KLKB1: variants seen among roughly 807,000 people sequenced by gnomAD.
The protein encoded by KLKB1 is plasma kallikrein.
KLKB1 carries 58 observed loss-of-function variants against 73.6 expected under a neutral mutation model. The observed-to-expected ratio is 0.79, with a 90% CI of 0.64 to 0.98. The LOEUF is 0.98. KLKB1 is among the 50% of genes least tolerant of loss of function. KLKB1 has a pLI of 0.00. For synonymous variants in KLKB1, 280 were observed against 258.1 expected, an observed-to-expected ratio of 1.08 and a Z score of -0.81; for missense variants, 737 against 763.8, an observed-to-expected ratio of 0.96 and a Z score of 0.41.
At chr4:186,216,836 C>T (rs1579983741) in intron 2 of KLKB1, among the ~76,000 whole-genome samples, 2 of 152,290 alleles carry the variant, frequency 1.3e-5, no homozygotes, top group South Asian at 2.1e-4. Flanking sequence ...TTATGCTGAC[C>T]GCAGAGGAAA....
At chr4:186,250,892 T>A in intron 7 of KLKB1, 1 of 373,094 alleles carries the variant, frequency 2.7e-6, no homozygotes, top group Non-Finnish European at 4.9e-6. Flanking sequence ...GGGTGTCTAG[T>A]TATGTAATAT....
At chr4:186,237,361 C>T (rs1321985840) in intron 5 of KLKB1, among the ~76,000 whole-genome samples, 2 of 152,040 alleles carry the variant, frequency 1.3e-5, no homozygotes, top group East Asian at 1.9e-4. Context: ...CCTCCCAAAG[C>T]GCTGGGATTA....
intron 6 of KLKB1, among the ~76,000 whole-genome samples, chr4:186,248,205 G>A (rs149893292): frequency 0.18 from 27,475 of 151,516 alleles, 2,789 homozygotes; most frequent in East Asian, 0.3. Flanking sequence ...CCAAGATTGC[G>A]CCACTGCACT....
At chr4:186,247,843 A>G (rs1314757428) in intron 6 of KLKB1, among the ~76,000 whole-genome samples, 1 of 152,230 alleles carries the variant, frequency 6.6e-6, no homozygotes, top group Non-Finnish European at 1.5e-5. Context: ...TTTAGATAAC[A>G]TAAAATTAAC....
intron 1 of KLKB1, 127 bp from the exon 2 acceptor site, chr4:186,228,068 A>G (rs1737230189): frequency 4.5e-6 from 3 of 662,792 alleles, no homozygotes; most frequent in Non-Finnish European, 8.1e-6. Flanking sequence ...CTTGTTTTCT[A>G]TACCAGTAAT....
chr4:186,246,541 G>A lies in KLKB1; in HGVS notation c.599-3702G>A, dbSNP rs183894357. Among the ~76,000 whole-genome samples, 1,464 of 152,312 alleles carry A rather than the reference G, an allele frequency of 9.6e-3. 16 individuals carry two copies. Among genetic ancestry groups the A allele is most frequent in the African/African-American group, 0.034 (1,395 of 41,560 alleles). ...TGGAACCATTGTCGAGTTTGTATTG[G>A]GGTTAAGCAGCATTGCAGAAGAAAA... is the stretch of plus-strand genomic sequence containing the variant. On this transcript the variant is annotated intron_variant, in intron 6 of 14. Coordinates refer to ENST00000264690, the MANE Select transcript of KLKB1 (RefSeq NM_000892.5).
At chr4:186,232,382 C>A in intron 3 of KLKB1, 93 bp downstream of exon 3, 2 of 1,206,454 alleles carry the variant, frequency 1.7e-6, no homozygotes, top group Non-Finnish European at 2.5e-6. Context: ...AGTTCTTCCT[C>A]ACACGGGGTT....
intron 6 of KLKB1, among the ~76,000 whole-genome samples, chr4:186,247,363 A>G (rs1190768674): frequency 2.0e-5 from 3 of 147,968 alleles, no homozygotes; most frequent in Non-Finnish European, 1.5e-5. Context: ...GGATTTGGGT[A>G]GGTAGTGGAA....
At chr4:186,239,838 G>C (rs573308072) in intron 6 of KLKB1, among the ~76,000 whole-genome samples, 1 of 150,794 alleles carries the variant, frequency 6.6e-6, no homozygotes. Flanking sequence ...TACTGTTATA[G>C]TTATAGGACA....
At position 186,236,956 on chromosome 4, in the gene KLKB1, G is replaced by GGT. The variant is rs780421096; in HGVS notation, c.488+23_488+24dup. ...CAGAGTACCGGTGAGTACAATTCAA[G>GGT]GTGTGTGTTCTTTGTATTGGTGCCT... On this transcript the variant is annotated intron_variant, in intron 5 of 14. Coordinates refer to ENST00000264690, the MANE Select transcript of KLKB1 (RefSeq NM_000892.5). 1 of 1,613,612 alleles carries GGT rather than the reference G, an allele frequency of 6.2e-7. No homozygotes were observed. The highest frequency in any genetic ancestry group is 1.1e-5 in the South Asian group (1 of 91,060).
intron 6 of KLKB1, among the ~76,000 whole-genome samples, chr4:186,243,514 A>G (rs1029443557): frequency 1.3e-5 from 2 of 152,228 alleles, no homozygotes; most frequent in East Asian, 3.8e-4. Context: ...CCTTATCAGC[A>G]TAGGCATTGT....
chr4:186,234,306 A>G (rs1412298544), intron 4 of KLKB1, among the ~76,000 whole-genome samples: 1 of 152,240 alleles, frequency 6.6e-6, no homozygotes, highest in Non-Finnish European at 1.5e-5. Flanking sequence ...TAAGATTTGC[A>G]GAAAATGAAT....
At position 186,250,265 on chromosome 4, in the gene KLKB1, G is replaced by A. The variant is rs1430599066; in HGVS notation, c.621G>A (p.Gln207=). The stretch of plus-strand genomic sequence containing the variant: ...CAGGTTGCCACATGAACATCTTCCA[G>A]CATCTTGCGTTCTCAGATGTGGATG... ...SEIGCHMNIF[Q]HLAFSDVDVA... The change falls in exon 7 of 15, where the codon CAG becomes CAA. Residue 207 remains glutamine, a synonymous_variant. Coordinates refer to ENST00000264690, the MANE Select transcript of KLKB1 (RefSeq NM_000892.5). 2 of 1,614,000 alleles carry A rather than the reference G, an allele frequency of 1.2e-6. No homozygotes were observed. The highest frequency in any genetic ancestry group is 1.7e-6 in the Non-Finnish European group (2 of 1,179,996).
At chr4:186,220,527 T>G (rs1330562900) in intron 2 of KLKB1, among the ~76,000 whole-genome samples, 1 of 152,222 alleles carries the variant, frequency 6.6e-6, no homozygotes, top group Non-Finnish European at 1.5e-5. Flanking sequence ...AGCATGACTT[T>G]GACTTTTTTA....
At chr4:186,252,629 AATCCCACCACCG>A (rs1211970923) in intron 11 of KLKB1, among the ~76,000 whole-genome samples, 2 of 84,710 alleles carry the variant, frequency 2.4e-5, no homozygotes, top group Non-Finnish European at 4.8e-5. Context: ...ACCCACGACC[AATCCCACCACCG>A]ATCCCGCCAC....
At chr4:186,238,225 A>AT in intron 5 of KLKB1, 31 bp from the exon 6 acceptor site, 5 of 1,452,936 alleles carry the variant, frequency 3.4e-6, no homozygotes, top group Non-Finnish European at 4.8e-6. Flanking sequence ...AAAGTGCAGA[A>AT]AGCAAAGTAA....
At position 186,236,872 on chromosome 4, in the gene KLKB1, G is replaced by T; in HGVS notation, c.420G>T (p.Arg140Ser). Residue 140 changes from arginine to serine, a missense_variant, in exon 5 of 15, where the codon AGG becomes AGT. Physicochemically the swap from Arg to Ser is moderately radical, Grantham distance 110. Coordinates refer to ENST00000264690, the MANE Select transcript of KLKB1 (RefSeq NM_000892.5). ...KVSSVEECQK[R>S]CTSNIRCQFF... The stretch of plus-strand genomic sequence containing the variant: ...GCAGTGTTGAAGAATGCCAAAAAAG[G>T]TGCACCAGTAACATTCGCTGCCAGT... 1 of 1,613,966 alleles carries T rather than the reference G, an allele frequency of 6.2e-7. No homozygotes were observed.
chr4:186,227,104 A>G (rs1579990245), upstream of KLKB1, among the ~76,000 whole-genome samples: 2 of 152,102 alleles, frequency 1.3e-5, no homozygotes, highest in African/African-American at 4.8e-5. Flanking sequence ...TCCCTCCTCC[A>G]TGCAAGAGGG....
At chr4:186,227,410 G>A (rs191944721), upstream of KLKB1, 7 of 152,236 alleles carry the variant, frequency 4.6e-5, no homozygotes, top group East Asian at 5.8e-4. Flanking sequence ...AGCTGAACAC[G>A]GATAGGATGT....
Sources: gnomAD v4.1 joint callset for allele counts (sites outside exome capture counted in the v4.1 genomes callset) on GRCh38, gnomAD v4.1.1 for gene constraint, MANE v1.5 for transcripts, NCBI Gene and HGNC (gene_info 2026-07-23, HGNC 2026-07-21) for gene names.